The following MEN1 variants were observed in gnomAD, a reference collection of about 807,000 sequenced individuals.
MEN1 encodes the protein menin 1.
Under a neutral mutation model 58.0 loss-of-function variants are expected in MEN1, and 6 were observed. The ratio of observed to expected loss-of-function variants is 0.10; its 90% CI spans 0.06 to 0.20. MEN1 has a LOEUF of 0.20. MEN1 is among the 10% of genes least tolerant of loss of function. The pLI, the probability that MEN1 is intolerant of heterozygous loss-of-function variation, is 1.00. For missense variants in MEN1, 492 were observed against 818.5 expected (o/e 0.60, Z 4.87); for synonymous variants, 346 against 350.7 (o/e 0.99, Z 0.15).
rs1235263953 is a variant in MEN1, at chr11:64,807,530, G to A, written c.783+22C>T. The stretch of plus-strand genomic sequence containing the variant: ...GTCAAGTCTGGCCTAGCCCAGTCCT[G>A]CCCCATTGGCTCAGCCCTCACCTGC... On this transcript the variant is annotated intron_variant, in intron 4 of 9. Transcript: ENST00000450708. The surrounding 1 kb of genome is among the most constrained non-coding windows in gnomAD (Gnocchi z 4.9). 6.2e-7 allele frequency: 1 copy of A among 1,613,676 alleles called. No individual in the cohort carries two copies. Among genetic ancestry groups the A allele is most frequent in the Non-Finnish European group, 8.5e-7 (1 of 1,179,736 alleles).
Position 64,807,650 on chromosome 11 carries a change from G to C in MEN1, c.685C>G (p.Arg229Gly). The change falls in exon 4 of 10, where the codon CGC (arginine) becomes GGC (glycine). Residue 229 changes from arginine to glycine, a missense_variant. Arg to Gly is a moderately radical substitution (Grantham distance 125, BLOSUM62 -2). Coordinates refer to ENST00000450708, the MANE Select transcript of MEN1 (RefSeq NM_001370259.2). This position sits in a 1 kb window ranked among gnomAD's most constrained non-coding sequence, Gnocchi z 4.9. Reference protein sequence around the residue: ...SWLYLKGSYMRCDRKMEVAFM... With the variant: ...SWLYLKGSYMGCDRKMEVAFM... ...GCCACCTCCATCTTGCGGTCACAGC[G>C]CATGTATGATCCTTTCAGGTACAGC... The C allele has an allele frequency of 6.2e-7, 1 of 1,614,166 alleles. No homozygotes were observed. The highest frequency in any genetic ancestry group is 1.1e-5 in the South Asian group (1 of 91,082).
In MEN1 at chr11:64,804,685, C is replaced by T. The variant is rs773363654; in HGVS notation, c.1482G>A (p.Pro494=). 3.8e-6 allele frequency: 6 copies of T among 1,593,152 alleles called. No individual in the cohort carries two copies. The East Asian group carries it at 9.0e-5, about 24-fold the overall frequency. Residue 494 remains proline (P), a synonymous_variant, in exon 10 of 10, where the codon CCG becomes CCA. Transcript: ENST00000450708. This position sits in a 1 kb window ranked among gnomAD's most constrained non-coding sequence, Gnocchi z 4.2. The stretch of plus-strand genomic sequence containing the variant: ...CCTTGTCCAGTGCTGGCTTCTTGGG[C>T]GGCGGGGGCTCCTCTGGCTTGGACT... ...RRESKPEEPP[P]PKKPALDKGL... is the part of the protein sequence containing the mutation.
At chr11:64,806,189 G>A (rs950487771) in intron 7 of MEN1, 43 bp downstream of exon 7, 1 of 1,612,334 alleles carries the variant, frequency 6.2e-7, no homozygotes, top group Non-Finnish European at 8.5e-7. Context: ...CTGATGGAGG[G>A]GAAGAAAGGA....
Position 64,807,334 on chromosome 11 carries a change from G to A in MEN1, c.784-115C>T. ...CAGGGACCACCCACCATGTGGAAGG[G>A]CCAAAATTCTGGGACCAGCCCTTTA... On this transcript the variant is annotated intron_variant, in intron 4 of 9. Coordinates refer to ENST00000450708, the MANE Select transcript of MEN1 (RefSeq NM_001370259.2). The surrounding 1 kb of genome is among the most constrained non-coding windows in gnomAD (Gnocchi z 4.9). 3.9e-6 allele frequency: 5 copies of A among 1,279,360 alleles called. No individual in the cohort carries two copies. Among genetic ancestry groups the A allele is most frequent in the Non-Finnish European group, 5.5e-6 (5 of 907,512 alleles). The allele number at this position is 1,279,360 out of a possible 1,614,324, so 79.3% of individuals were successfully genotyped here.
rs1158161740 is a variant in MEN1, at chr11:64,808,001, C to T, written c.544G>A (p.Ala182Thr). 6.2e-7 allele frequency: 1 copy of T among 1,614,196 alleles called. No individual in the cohort carries two copies. Among genetic ancestry groups the T allele is most frequent in the Admixed American group, 1.7e-5 (1 of 60,026 alleles). Residue 182 changes from alanine (A) to threonine (T), a missense_variant, in exon 3 of 10, where the codon GCC becomes ACC. Transcript: ENST00000450708. ...CCATTGGGCCCAAACACTACCCAGG[C>T]ATGATCCTCAGACAGGGCGAGGTGG... ...DVHLALSEDH[A>T]WVVFGPNGEQ...
chr11:64,803,997 C>T lies in MEN1; in HGVS notation c.*337G>A. The T allele has an allele frequency of 2.3e-6, 1 of 432,782 alleles. No individual in the cohort carries two copies. 26.8% of individuals were successfully genotyped at this position (432,782 alleles called of 1,614,324 possible). A position where few individuals can be genotyped will look rare whatever the true frequency, so the allele number is the denominator to read the frequency against. ...ACAAGCTGGGAGGAGCCCTGAGTAACGTTGGTCTGGCTCTAGGTGAGCGGT... is the reference window on the plus strand; with the variant it reads ...ACAAGCTGGGAGGAGCCCTGAGTAATGTTGGTCTGGCTCTAGGTGAGCGGT... On this transcript the variant is annotated 3_prime_UTR_variant, in exon 10 of 10. Transcript: ENST00000450708.
intron 2 of MEN1, 63 bp from the exon 3 acceptor site, chr11:64,808,162 G>C (rs1941880579): frequency 6.9e-6 from 10 of 1,447,212 alleles, no homozygotes; most frequent in Middle Eastern, 1.7e-4. Context: ...AAGGGGGCCA[G>C]GTAGTGATGG....
rs1555166557 is a variant in MEN1 at position 64,809,874 on chromosome 11, G to C, written c.236C>G (p.Pro79Arg). The C allele has an allele frequency of 1.9e-6, 3 of 1,606,076 alleles. No homozygotes were observed. In the South Asian group the frequency reaches 3.3e-5, roughly 18 times the overall value. Reference protein sequence around the residue: ...PDPPGGLTYFPVADLSIIAAL... With the variant: ...PDPPGGLTYFRVADLSIIAAL... Reference sequence around the variant, plus strand: ...GGCGATGATAGACAGGTCGGCCACGGGAAAGTAGGTGAGGCCGCCAGGCGG... The same window carrying C: ...GGCGATGATAGACAGGTCGGCCACGCGAAAGTAGGTGAGGCCGCCAGGCGG... Residue 79 changes from proline to arginine, a missense_variant, in exon 2 of 10, where the codon CCC becomes CGC. Coordinates refer to ENST00000450708, the MANE Select transcript of MEN1 (RefSeq NM_001370259.2).
chr11:64,806,384 G>A lies in MEN1; in HGVS notation c.913-16C>T, dbSNP rs1941735126. The stretch of plus-strand genomic sequence containing the variant: ...AGGCAATGCCCTGGATGGAGGTGAG[G>A]CAGAGGATCCTCAGGGAGGCAGCCC... On this transcript the variant is annotated splice_polypyrimidine_tract_variant and intron_variant, in intron 6 of 9. Coordinates refer to ENST00000450708, the MANE Select transcript of MEN1 (RefSeq NM_001370259.2). 1.2e-6 allele frequency: 2 copies of A among 1,614,090 alleles called. No individual in the cohort carries two copies. Among genetic ancestry groups the A allele is most frequent in the Non-Finnish European group, 1.7e-6 (2 of 1,179,958 alleles).
In MEN1 at chr11:64,804,245, C is replaced by T. The variant is rs886048478; in HGVS notation, c.*89G>A. ...TTTGGGTAGAGGTGAGGCCTGTCCC[C>T]TTTGGGCTGGGGGCAGAACATGGGC... is the stretch of plus-strand genomic sequence containing the variant. On this transcript the variant is annotated 3_prime_UTR_variant, in exon 10 of 10. Transcript: ENST00000450708. The surrounding 1 kb of genome is among the most constrained non-coding windows in gnomAD (Gnocchi z 4.2). 2.4e-5 allele frequency: 38 copies of T among 1,582,984 alleles called. No individual in the cohort carries two copies. The South Asian group carries it at 2.9e-4, about 12-fold the overall frequency.
At chr11:64,806,172 T>C in intron 7 of MEN1, 60 bp downstream of exon 7, 1 of 1,608,568 alleles carries the variant, frequency 6.2e-7, no homozygotes, top group South Asian at 1.1e-5. Context: ...ACGAGGGTGG[T>C]TGGAAACTGA....
At chr11:64,806,634 T>A (rs1941750614) in intron 6 of MEN1, among the ~76,000 whole-genome samples, 1 of 152,124 alleles carries the variant, frequency 6.6e-6, no homozygotes, top group Non-Finnish European at 1.5e-5. Flanking sequence ...CAGACACTCT[T>A]CTACACATCA....
intron 7 of MEN1, 164 bp downstream of exon 7, chr11:64,806,068 A>T (rs1158741299): frequency 4.6e-6 from 4 of 864,706 alleles, no homozygotes; most frequent in Non-Finnish European, 7.2e-6. Context: ...GTGACACCTT[A>T]ATCAGGGTCC....
At chr11:64,805,568 A>AT in intron 8 of MEN1, 67 bp downstream of exon 8, 2 of 1,591,608 alleles carry the variant, frequency 1.3e-6, no homozygotes, top group Non-Finnish European at 1.7e-6. Flanking sequence ...TGCAGCCCCC[A>AT]TGGCCTGTGG....
rs1592651018 is a variant in MEN1 at position 64,807,972 on chromosome 11, C to T, written c.573G>A (p.Glu191=). The stretch of plus-strand genomic sequence containing the variant: ...CGTGCCAGGTGACCTCAGCTGTCTG[C>T]TCCCCATTGGGCCCAAACACTACCC... ...HAWVVFGPNG[E]QTAEVTWHGK... is the part of the protein sequence containing the mutation. The change falls in exon 3 of 10, where the codon GAG becomes GAA. Residue 191 remains glutamate, a synonymous_variant. Coordinates refer to ENST00000450708, the MANE Select transcript of MEN1 (RefSeq NM_001370259.2). The surrounding 1 kb of genome is among the most constrained non-coding windows in gnomAD (Gnocchi z 4.9). 6.2e-7 allele frequency: 1 copy of T among 1,614,052 alleles called. No individual in the cohort carries two copies. Among genetic ancestry groups the T allele is most frequent in the African/African-American group, 1.3e-5 (1 of 74,924 alleles).
intron 2 of MEN1, 101 bp downstream of exon 2, chr11:64,809,564 C>T (rs1161195605): frequency 6.0e-5 from 86 of 1,437,148 alleles, no homozygotes; most frequent in Non-Finnish European, 7.7e-5. Flanking sequence ...TAACACCTGC[C>T]GAACCTCACA....
chr11:64,804,255 G>A lies in MEN1; in HGVS notation c.*79C>T. 6.3e-7 allele frequency: 1 copy of A among 1,597,960 alleles called. No homozygotes were observed. Among genetic ancestry groups the A allele is most frequent in the Non-Finnish European group, 8.6e-7 (1 of 1,167,286 alleles). On this transcript the variant is annotated 3_prime_UTR_variant, in exon 10 of 10. Transcript: ENST00000450708. The surrounding 1 kb of genome is among the most constrained non-coding windows in gnomAD (Gnocchi z 4.2). ...GGTGAGGCCTGTCCCCTTTGGGCTG[G>A]GGGCAGAACATGGGCTCAGAGTTGG...
intron 8 of MEN1, among the ~76,000 whole-genome samples, chr11:64,805,433 A>G (rs1455884217): frequency 6.6e-6 from 1 of 152,212 alleles, no homozygotes; most frequent in Non-Finnish European, 1.5e-5. Context: ...CTGAAGGCAC[A>G]GGGTAGAAAC....
Position 64,804,481 on chromosome 11 carries a change from CT to C in MEN1, c.1685del (p.Lys562ArgfsTer26). On this transcript the variant is annotated frameshift_variant, in exon 10 of 10. Coordinates refer to ENST00000450708, the MANE Select transcript of MEN1 (RefSeq NM_001370259.2). LOFTEE classifies it high-confidence loss of function. The surrounding 1 kb of genome is among the most constrained non-coding windows in gnomAD (Gnocchi z 4.2). ...TFQSEKMKGM[K>X]ELLVATKINS... is the part of the protein sequence containing the mutation. ...TGATCTTGGTGGCCACCAGCAGCTC[CT>C]TCATGCCCTTCATCTTCTCACTCTG... is the stretch of plus-strand genomic sequence containing the variant. 1 of 1,614,066 alleles carries C rather than the reference CT, an allele frequency of 6.2e-7. No homozygotes were observed. Among genetic ancestry groups the C allele is most frequent in the Non-Finnish European group, 8.5e-7 (1 of 1,180,012 alleles).
Sources: gnomAD v4.1 joint callset for allele counts (sites outside exome capture counted in the v4.1 genomes callset) on GRCh38, gnomAD v4.1.1 for gene constraint, Gnocchi (gnomAD v3.1) non-coding constraint, MANE v1.5 for transcripts, NCBI Gene and HGNC (gene_info 2026-07-23, HGNC 2026-07-21) for gene names.